Variants in INO80 observed in about 807,000 individuals in gnomAD.
The protein encoded by INO80 is INO80 complex ATPase subunit.
Under a neutral mutation model 203.4 loss-of-function variants are expected in INO80, and 20 were observed. That is an observed-to-expected ratio of 0.10 (90% CI 0.07 to 0.14). The LOEUF is 0.14. INO80 is among the 10% of genes least tolerant of loss of function. The pLI, the probability that INO80 is intolerant of heterozygous loss-of-function variation, is 1.00. For synonymous variants in INO80, 726 were observed against 685.2 expected (o/e 1.06, Z -0.93); for missense variants, 1,419 against 1,914.4 (o/e 0.74, Z 4.83).
At chr15:41,064,223 A>G (rs1266662422) in intron 14 of INO80, among the ~76,000 whole-genome samples, 3 of 152,228 alleles carry the variant, frequency 2.0e-5, no homozygotes, top group Non-Finnish European at 2.9e-5. Context: ...GGACATATAA[A>G]CACTGACAAT....
At chr15:41,096,057 A>G (rs750823362) in intron 2 of INO80, 111 bp downstream of exon 2, 210 of 1,419,310 alleles carry the variant, frequency 1.5e-4, no homozygotes, top group Non-Finnish European at 1.9e-4. Flanking sequence ...GAAAGAGGCA[A>G]AAGAAAATAT....
At chr15:40,996,415 C>T (rs977155661) in intron 29 of INO80, among the ~76,000 whole-genome samples, 3 of 152,084 alleles carry the variant, frequency 2.0e-5, no homozygotes, top group Non-Finnish European at 2.9e-5. Flanking sequence ...CTCTGCCTCC[C>T]GGGTTCAAGC....
chr15:41,021,158 T>C, intron 25 of INO80, 33 bp from the exon 26 acceptor site: 1 of 1,483,780 alleles, frequency 6.7e-7, no homozygotes, highest in South Asian at 1.1e-5. Flanking sequence ...GATGGCTCTT[T>C]CACGTTGTCC....
intron 12 of INO80, among the ~76,000 whole-genome samples, chr15:41,071,448 CTTTTT>C (rs747609865): frequency 6.9e-5 from 6 of 87,058 alleles, no homozygotes; most frequent in Non-Finnish European, 1.1e-4. Flanking sequence ...TACTCATTTC[CTTTTT>C]TTTTTTTTTT....
At chr15:40,986,913 G>A (rs1030746418) in intron 31 of INO80, among the ~76,000 whole-genome samples, 178 bp downstream of exon 31, 1 of 152,184 alleles carries the variant, frequency 6.6e-6, no homozygotes, top group African/African-American at 2.4e-5. Flanking sequence ...GATTAGAGGC[G>A]TGAGCCACCA....
intron 1 of INO80, among the ~76,000 whole-genome samples, chr15:41,113,393 A>C (rs961020523): frequency 6.6e-6 from 1 of 151,950 alleles, no homozygotes; most frequent in African/African-American, 2.4e-5. Context: ...CAGCCTCCTG[A>C]GTAGCTGGGA....
chr15:41,068,804 G>A (rs2045264502), intron 14 of INO80, among the ~76,000 whole-genome samples: 2 of 152,136 alleles, frequency 1.3e-5, no homozygotes, highest in South Asian at 4.2e-4. Context: ...AGGTTGCAGT[G>A]AGCCGAGATT....
intron 1 of INO80, among the ~76,000 whole-genome samples, chr15:41,113,138 A>ACTCCC (rs2140721578): frequency 6.6e-6 from 1 of 151,756 alleles, no homozygotes; most frequent in Non-Finnish European, 1.5e-5. Context: ...CTGATTTCAA[A>ACTCCC]CTCCTGAGCT....
At chr15:41,109,020 A>G (rs187170556) in intron 1 of INO80, 67 of 165,632 alleles carry the variant, frequency 4.0e-4, no homozygotes, top group Non-Finnish European at 7.4e-4. Flanking sequence ...ACAGACGCCA[A>G]TAAGAAAAAA....
rs577204368 is a variant in INO80, at chr15:41,020,649, T to TC, written c.3274+250_3274+251insG. On this transcript the variant is annotated intron_variant, in intron 26 of 35. Coordinates refer to ENST00000648947, the MANE Select transcript of INO80 (RefSeq NM_017553.3). ...CTAAGTTTATTTCTACCTTTTTTTTTTTAAGAGTGGCATTTCTTTCTCAGC... is the reference window on the plus strand; with the variant it reads ...CTAAGTTTATTTCTACCTTTTTTTTTCTTAAGAGTGGCATTTCTTTCTCAGC... 4.6e-5 allele frequency among the ~76,000 whole-genome samples: 7 copies of TC among 151,848 alleles called. No individual in the cohort carries two copies. In the South Asian group the frequency reaches 1.0e-3, roughly 23 times the overall value.
intron 28 of INO80, among the ~76,000 whole-genome samples, chr15:41,000,065 C>G (rs1157599542): frequency 1.3e-5 from 2 of 152,078 alleles, no homozygotes; most frequent in Non-Finnish European, 2.9e-5. Context: ...CCAATGCACT[C>G]CAGCCTAAGC....
At chr15:40,985,276 G>T in intron 32 of INO80, 62 bp downstream of exon 32, 1 of 1,184,176 alleles carries the variant, frequency 8.4e-7, no homozygotes, top group Non-Finnish European at 1.3e-6. Flanking sequence ...GTACCCCAAA[G>T]CCTTTTTGGT....
intron 22 of INO80, among the ~76,000 whole-genome samples, chr15:41,047,856 A>C (rs1320549483): frequency 6.6e-6 from 1 of 152,206 alleles, no homozygotes; most frequent in Admixed American, 6.5e-5. Context: ...ATTTTGGACA[A>C]TGAGCAAAGC....
intron 28 of INO80, among the ~76,000 whole-genome samples, chr15:41,005,087 T>C (rs2044017926): frequency 6.8e-6 from 1 of 147,992 alleles, no homozygotes; most frequent in African/African-American, 2.5e-5. Flanking sequence ...CCCAGCTACT[T>C]GGGAGGCCGA....
chr15:41,029,035 G>C (rs79700335), intron 24 of INO80, among the ~76,000 whole-genome samples: 2,313 of 152,242 alleles, frequency 0.015, 64 homozygotes, highest in African/African-American at 0.053. Context: ...TTTATCTTTG[G>C]ATCTGCATTC....
chr15:40,980,364 G>A lies in INO80; in HGVS notation c.4530C>T (p.Ala1510=), dbSNP rs758071590. ...AGLADFGPSS[A]SSPLSSPLSK... is the part of the protein sequence containing the mutation. ...TCAAAGGGGAACTCAAAGGAGAAGA[G>A]GCGCTTGAAGGTCCAAAGTCAGCAA... is the stretch of plus-strand genomic sequence containing the variant. Residue 1510 remains alanine, a synonymous_variant, in exon 36 of 36, where the codon GCC becomes GCT. Transcript: ENST00000648947. 1 of 1,614,046 alleles carries A rather than the reference G, an allele frequency of 6.2e-7. No homozygotes were observed. The highest frequency in any genetic ancestry group is 8.5e-7 in the Non-Finnish European group (1 of 1,180,024).
In INO80 at chr15:40,979,117, C is replaced by T. The variant is rs1384764116; in HGVS notation, c.*1106G>A. 6.6e-6 allele frequency: 1 copy of T among 152,514 alleles called. No homozygotes were observed. Among genetic ancestry groups the T allele is most frequent in the African/African-American group, 2.4e-5 (1 of 41,412 alleles). The allele number at this position is 152,514 out of a possible 1,614,324, so 9.4% of individuals were successfully genotyped here. On this transcript the variant is annotated 3_prime_UTR_variant, in exon 36 of 36. Transcript: ENST00000648947. ...AATGATTCCCCTATACCCCCTACTC[C>T]AAAAAAGTTTTAAAAATCAATCTAT...
chr15:40,994,857 T>C (rs1235035155), intron 29 of INO80, among the ~76,000 whole-genome samples: 1 of 152,178 alleles, frequency 6.6e-6, no homozygotes, highest in African/African-American at 2.4e-5. Context: ...AATGAATGAA[T>C]GAACAAATGA....
intron 29 of INO80, among the ~76,000 whole-genome samples, chr15:40,993,273 AG>A (rs367919130): frequency 3.3e-5 from 5 of 150,532 alleles, no homozygotes; most frequent in African/African-American, 1.2e-4. Context: ...AAATCTGCTT[AG>A]TTTTTTTTTT....
Sources: gnomAD v4.1 joint callset for allele counts (sites outside exome capture counted in the v4.1 genomes callset) on GRCh38, gnomAD v4.1.1 for gene constraint, MANE v1.5 for transcripts, NCBI Gene and HGNC (gene_info 2026-07-23, HGNC 2026-07-21) for gene names.